Variants in ABCB5 observed in about 807,000 individuals in gnomAD.
ABCB5 encodes the protein ATP binding cassette subfamily B member 5.
In ABCB5, 155 loss-of-function variants were observed where a neutral mutation model predicts 144.2. The observed-to-expected ratio is 1.08, with a 90% confidence interval of 0.94 to 1.23. The LOEUF is 1.23. ABCB5 is among the 50% of genes most tolerant of loss of function. ABCB5 has a pLI of 0.00. For missense variants in ABCB5, 1,830 were observed against 1,520.8 expected (o/e 1.20, Z -3.38); for synonymous variants, 610 against 528.6 (o/e 1.15, Z -2.11).
intron 13 of ABCB5, among the ~76,000 whole-genome samples, chr7:20,652,365 T>C (rs1363338695): frequency 6.6e-6 from 1 of 152,156 alleles, no homozygotes; most frequent in East Asian, 1.9e-4. Flanking sequence ...GTTAGGAGTT[T>C]GAGACCAGCT....
At chr7:20,700,618 G>T (rs909550675) in intron 19 of ABCB5, among the ~76,000 whole-genome samples, 4 of 152,174 alleles carry the variant, frequency 2.6e-5, no homozygotes, top group Admixed American at 6.5e-5. Context: ...GATAACATCG[G>T]TCTAGCTGCC....
chr7:20,659,375 G>A, intron 14 of ABCB5: 1 of 1,248,294 alleles, frequency 8.0e-7, no homozygotes, highest in Non-Finnish European at 1.0e-6. Context: ...CTTTGCATTT[G>A]CTTGGAAGTG....
intron 23 of ABCB5, among the ~76,000 whole-genome samples, chr7:20,736,869 C>G (rs1284081278): frequency 6.6e-6 from 1 of 152,102 alleles, no homozygotes; most frequent in African/African-American, 2.4e-5. Flanking sequence ...TATACAGAAT[C>G]CACCTGGAGA....
Position 20,643,215 on chromosome 7 carries a change from G to A in ABCB5, c.346G>A (p.Ala116Thr). Reference sequence around the variant, plus strand: ...CCTGTATTATGTTGGAATAGGTGTTGCTGCCTTGATTTTTGGTTACATACA... The same window carrying A: ...CCTGTATTATGTTGGAATAGGTGTTACTGCCTTGATTTTTGGTTACATACA... ...LTLYYVGIGV[A>T]ALIFGYIQIS... The change falls in exon 6 of 28, where the codon GCT becomes ACT. Residue 116 changes from alanine (A) to threonine (T), a missense_variant. Ala to Thr is a moderately conservative substitution (Grantham distance 58, BLOSUM62 0). Coordinates refer to ENST00000404938, the MANE Select transcript of ABCB5 (RefSeq NM_001163941.2). The A allele has an allele frequency of 6.2e-7, 1 of 1,612,868 alleles. No homozygotes were observed. Among genetic ancestry groups the A allele is most frequent in the Non-Finnish European group, 8.5e-7 (1 of 1,179,234 alleles).
chr7:20,638,615 A>G (rs909892328), intron 5 of ABCB5, among the ~76,000 whole-genome samples: 1 of 152,190 alleles, frequency 6.6e-6, no homozygotes, highest in Admixed American at 6.6e-5. Flanking sequence ...ATAATATGTA[A>G]GGTTCTTGTA....
chr7:20,748,965 C>CT (rs1220601594), intron 26 of ABCB5, among the ~76,000 whole-genome samples: 6 of 152,174 alleles, frequency 3.9e-5, no homozygotes, highest in African/African-American at 7.2e-5. Context: ...TTTACTTTTA[C>CT]TACAAACTTT....
rs1172285058 is a variant in ABCB5 at position 20,726,358 on chromosome 7, C to CTTTTTTTTTTTT, written c.2626-669_2626-658dup. 4.2e-4 allele frequency among the ~76,000 whole-genome samples: 33 copies of CTTTTTTTTTTTT among 78,420 alleles called. 2 individuals are homozygous for CTTTTTTTTTTTT. The highest frequency in any genetic ancestry group is 6.3e-4 in the African/African-American group (12 of 19,010). 51.4% of individuals were successfully genotyped at this position (78,420 alleles called of 152,430 possible). A position where few individuals can be genotyped will look rare whatever the true frequency, so the allele number is the denominator to read the frequency against. On this transcript the variant is annotated intron_variant, in intron 21 of 27. Transcript: ENST00000404938. ...TATGTGATTACTTTATCTCTGCTATCTTTTTTTTTTTTTTTTTTTTTTTTG... is the reference window on the plus strand; with the variant it reads ...TATGTGATTACTTTATCTCTGCTATCTTTTTTTTTTTTTTTTTTTTTTTTTTTTTTTTTTTTG...
At position 20,755,852 on chromosome 7, in the gene ABCB5, T is replaced by C. The variant is rs1783073238; in HGVS notation, c.*228T>C. 1 of 467,244 alleles carries C rather than the reference T, an allele frequency of 2.1e-6. No individual in the cohort carries two copies. Among genetic ancestry groups the C allele is most frequent in the Admixed American group, 3.7e-5 (1 of 26,842 alleles). The allele number at this position is 467,244 out of a possible 1,614,324, so 28.9% of individuals were successfully genotyped here. On this transcript the variant is annotated 3_prime_UTR_variant, in exon 28 of 28. Coordinates refer to ENST00000404938, the MANE Select transcript of ABCB5 (RefSeq NM_001163941.2). ...GAAATAATGCTTATATCCTTCACTT[T>C]ATAAAACTATTCTAGCACATTTGCT...
intron 14 of ABCB5, among the ~76,000 whole-genome samples, chr7:20,661,674 A>T (rs1785008736): frequency 6.6e-6 from 1 of 151,606 alleles, no homozygotes; most frequent in African/African-American, 2.4e-5. Flanking sequence ...AGCTGGGATT[A>T]CAGGCACGCA....
chr7:20,689,765 C>T (rs2128041083), intron 16 of ABCB5, among the ~76,000 whole-genome samples: 1 of 152,300 alleles, frequency 6.6e-6, no homozygotes, highest in East Asian at 1.9e-4. Flanking sequence ...GCGGCACCCT[C>T]TACTGACAGG....
chr7:20,679,621 G>A (rs1335481339), intron 14 of ABCB5, among the ~76,000 whole-genome samples: 1 of 144,910 alleles, frequency 6.9e-6, no homozygotes, highest in East Asian at 2.1e-4. Context: ...AGTTCTAATA[G>A]AAAAATGAGA....
chr7:20,721,367 C>A (rs1781862091), intron 20 of ABCB5, among the ~76,000 whole-genome samples: 1 of 152,144 alleles, frequency 6.6e-6, no homozygotes. Context: ...CATCTCTTTG[C>A]ATTGTTATGA....
Position 20,755,062 on chromosome 7 carries a change from G to T in ABCB5, c.3577-365G>T, listed in dbSNP as rs546364069. Among the ~76,000 whole-genome samples the T allele has an allele frequency of 4.6e-5, 7 of 152,054 alleles. No individual in the cohort carries two copies. In the South Asian group the frequency reaches 1.0e-3, roughly 23 times the overall value. The stretch of plus-strand genomic sequence containing the variant: ...CCTCCCAGGGTCAAGCGATTGTCCT[G>T]CCTCAGCCTCCCAAATAGCTCGGAT... On this transcript the variant is annotated intron_variant, in intron 27 of 27. Transcript: ENST00000404938.
At chr7:20,691,324 G>A (rs1277532097) in intron 16 of ABCB5, among the ~76,000 whole-genome samples, 1 of 151,742 alleles carries the variant, frequency 6.6e-6, no homozygotes, top group Non-Finnish European at 1.5e-5. Flanking sequence ...AAGAGTTGAA[G>A]GAGGCCAAAG....
chr7:20,648,179 G>A, intron 11 of ABCB5, 101 bp downstream of exon 11: 1 of 739,790 alleles, frequency 1.4e-6, no homozygotes. Context: ...TTTTTTCCAA[G>A]ATTTTGGCTA....
intron 22 of ABCB5, among the ~76,000 whole-genome samples, chr7:20,727,514 C>A (rs1289038140): frequency 6.6e-6 from 1 of 152,166 alleles, no homozygotes; most frequent in African/African-American, 2.4e-5. Flanking sequence ...GTGGGCGGAT[C>A]ACTTAAGGTC....
intron 20 of ABCB5, among the ~76,000 whole-genome samples, chr7:20,713,704 T>C (rs908812675): frequency 4.0e-5 from 6 of 149,304 alleles, no homozygotes; most frequent in Admixed American, 2.0e-4. Flanking sequence ...CAAGCAGGAG[T>C]GGAGCCTACT....
intron 20 of ABCB5, among the ~76,000 whole-genome samples, chr7:20,708,622 C>A (rs745860213): frequency 6.6e-6 from 1 of 152,160 alleles, no homozygotes; most frequent in East Asian, 1.9e-4. Context: ...TTGACAAAAA[C>A]TCACAAAAAT....
chr7:20,701,817 T>G (rs1469826436), intron 19 of ABCB5, among the ~76,000 whole-genome samples: 1 of 152,246 alleles, frequency 6.6e-6, no homozygotes, highest in Non-Finnish European at 1.5e-5. Flanking sequence ...TCCTTCTTCA[T>G]CCTTCAGCAC....
Sources: gnomAD v4.1 joint callset for allele counts (sites outside exome capture counted in the v4.1 genomes callset) on GRCh38, gnomAD v4.1.1 for gene constraint, MANE v1.5 for transcripts, NCBI Gene and HGNC (gene_info 2026-07-23, HGNC 2026-07-21) for gene names.